The following GATA5 variants were observed in gnomAD, a reference collection of about 807,000 sequenced individuals.
The protein encoded by GATA5 is GATA binding protein 5.
A neutral mutation model predicts 35.0 loss-of-function variants in GATA5; 27 were observed. The observed-to-expected ratio is 0.77, with a 90% CI of 0.57 to 1.06. The LOEUF (loss-of-function observed/expected upper bound fraction) is 1.06, where lower values mean the gene tolerates loss of function less well. Among genes scored for constraint, GATA5 ranks in the 50% least tolerant of loss-of-function variants. The pLI is 0.00. For missense variants in GATA5, 612 were observed against 580.0 expected (o/e 1.06, Z -0.57); for synonymous variants, 306 against 267.8 (o/e 1.14, Z -1.39).
rs753656900 is a variant in GATA5, at chr20:62,473,407, C to T, written c.695G>A (p.Arg232His). The change falls in exon 3 of 7, where the codon CGC (arginine) becomes CAC (histidine). Residue 232 changes from arginine (R) to histidine (H), a missense_variant. Transcript: ENST00000252997. The stretch of plus-strand genomic sequence containing the variant: ...CTCTGCCCAGCCCGAACTCACCAGG[C>T]GCTTCTGAGGCCGAACGAGCGGCCG... Reference protein sequence around the residue: ...VNRPLVRPQKRLSSSRRAGLC... With the variant: ...VNRPLVRPQKHLSSSRRAGLC... The T allele has an allele frequency of 1.1e-5, 17 of 1,603,724 alleles. No individual in the cohort carries two copies. The highest frequency in any genetic ancestry group is 7.8e-5 in the South Asian group (7 of 89,462).
chr20:62,465,597 G>A, intron 5 of GATA5, 133 bp from the exon 6 acceptor site: 1 of 1,267,744 alleles, frequency 7.9e-7, no homozygotes, highest in East Asian at 2.5e-5. Flanking sequence ...CGCAGGCGTG[G>A]GTGGTGTGGC....
rs781990084 is a variant in GATA5 at position 62,475,472 on chromosome 20, G to T, written c.50C>A (p.Ala17Asp). The T allele has an allele frequency of 1.2e-4, 155 of 1,333,022 alleles. No individual in the cohort carries two copies. Among genetic ancestry groups the T allele is most frequent in the Non-Finnish European group, 1.5e-4 (152 of 1,046,004 alleles). 82.6% of individuals were successfully genotyped at this position (1,333,022 alleles called of 1,614,324 possible). The change falls in exon 2 of 7, where the codon GCC becomes GAC. Residue 17 changes from alanine (A) to aspartate (D), a missense_variant. By Grantham distance (126) the Ala-to-Asp change is moderately radical (BLOSUM62 -2). Coordinates refer to ENST00000252997, the MANE Select transcript of GATA5 (RefSeq NM_080473.5). ...LAASPRQAAY[A>D]DSGSFLHAPG... is the part of the protein sequence containing the mutation. ...AGCGTGCAGGAAGGAGCCCGAGTCG[G>T]CGTAGGCGGCCTGGCGGGGGCTCGC...
intron 2 of GATA5, among the ~76,000 whole-genome samples, chr20:62,474,661 A>C (rs190031930): frequency 6.6e-6 from 1 of 152,312 alleles, no homozygotes; most frequent in East Asian, 1.9e-4. Context: ...ACTTAAATAA[A>C]CCGATGTTTT....
In GATA5 at chr20:62,472,423, A is replaced by G. The variant is rs187315248; in HGVS notation, c.699+980T>C. On this transcript the variant is annotated intron_variant, in intron 3 of 6. Coordinates refer to ENST00000252997, the MANE Select transcript of GATA5 (RefSeq NM_080473.5). ...ACCGGCATAGCACGCGAATCCAGGC[A>G]TCTAGAACAGCCACCCGGCAAGGAC... 5.9e-5 allele frequency among the ~76,000 whole-genome samples: 9 copies of G among 152,336 alleles called. 1 individual carries two copies. Among genetic ancestry groups the G allele is most frequent in the Admixed American group, 5.2e-4 (8 of 15,306 alleles).
intron 1 of GATA5, 58 bp downstream of exon 1, chr20:62,475,872 G>C: frequency 5.5e-6 from 1 of 183,418 alleles, no homozygotes; most frequent in Non-Finnish European, 1.1e-5. Context: ...GCCCCGCCGC[G>C]CTGGGAGGGG....
At chr20:62,471,603 A>T (rs2146486457) in intron 3 of GATA5, among the ~76,000 whole-genome samples, 1 of 146,676 alleles carries the variant, frequency 6.8e-6, no homozygotes, top group Admixed American at 6.8e-5. Flanking sequence ...GCTAACTTTT[A>T]AATTTTTTGT....
chr20:62,466,367 G>C (rs111751465), intron 4 of GATA5, 59 bp downstream of exon 4: 5 of 1,506,066 alleles, frequency 3.3e-6, no homozygotes, highest in Non-Finnish European at 2.7e-6. Flanking sequence ...GAGTGCGGAC[G>C]GCGCTCGCTA....
intron 4 of GATA5, 75 bp downstream of exon 4, chr20:62,466,351 G>T: frequency 1.4e-6 from 2 of 1,465,528 alleles, no homozygotes; most frequent in East Asian, 2.5e-5. Flanking sequence ...CAGCCTCTTG[G>T]TCTGAGAGTG....
At chr20:62,468,309 G>A (rs1322879589) in intron 3 of GATA5, among the ~76,000 whole-genome samples, 2 of 152,156 alleles carry the variant, frequency 1.3e-5, no homozygotes, top group African/African-American at 4.8e-5. Context: ...GTTATAGCCT[G>A]CCTCGGTTTC....
chr20:62,465,533 C>A, intron 5 of GATA5, 69 bp from the exon 6 acceptor site: 1 of 1,547,146 alleles, frequency 6.5e-7, no homozygotes, highest in Non-Finnish European at 8.7e-7. Flanking sequence ...TGCCATGTAG[C>A]GGGTCTCCTC....
At chr20:62,472,269 C>T (rs782790189) in intron 3 of GATA5, among the ~76,000 whole-genome samples, 17 of 152,144 alleles carry the variant, frequency 1.1e-4, no homozygotes, top group Non-Finnish European at 2.4e-4. Flanking sequence ...GTGACGGCCG[C>T]CCCCGGCCTG....
chr20:62,465,701 G>T, intron 5 of GATA5, 133 bp downstream of exon 5: 1 of 870,302 alleles, frequency 1.1e-6, no homozygotes, highest in Non-Finnish European at 1.8e-6. Flanking sequence ...GGTCACCACA[G>T]GGCAGAGCTG....
rs993232133 is a variant in GATA5, at chr20:62,470,343, A to T, written c.699+3060T>A. ...GTGCAGCAGCCTCCTCTGAGATGGA[A>T]GACTGGGCCGTGGACAACCAGAGGC... On this transcript the variant is annotated intron_variant, in intron 3 of 6. Transcript: ENST00000252997. This position sits in a 1 kb window ranked among gnomAD's most constrained non-coding sequence, Gnocchi z 4.6. Among the ~76,000 whole-genome samples the T allele has an allele frequency of 6.6e-6, 1 of 152,232 alleles. No individual in the cohort carries two copies. The highest frequency in any genetic ancestry group is 1.5e-5 in the Non-Finnish European group (1 of 68,042).
At position 62,474,898 on chromosome 20, in the gene GATA5, C is replaced by T. The variant is rs116995308; in HGVS notation, c.523+101G>A. 6.7e-4 allele frequency: 718 copies of T among 1,069,790 alleles called. 9 individuals carry two copies. In the East Asian group the frequency reaches 0.014, roughly 21 times the overall value. 66.3% of individuals were successfully genotyped at this position (1,069,790 alleles called of 1,614,324 possible). A position where few individuals can be genotyped will look rare whatever the true frequency, so the allele number is the denominator to read the frequency against. ...TGGTGTCGCTCCTGGCAGGGAGGCT[C>T]GGACCGTGGGGGAGGATGAGGGGAG... On this transcript the variant is annotated intron_variant, in intron 2 of 6. Transcript: ENST00000252997.
Position 62,470,285 on chromosome 20 carries a change from T to G in GATA5, c.699+3118A>C, listed in dbSNP as rs566126324. 2.0e-5 allele frequency among the ~76,000 whole-genome samples: 3 copies of G among 152,180 alleles called. No individual in the cohort carries two copies. The East Asian group carries it at 5.8e-4, about 30-fold the overall frequency. On this transcript the variant is annotated intron_variant, in intron 3 of 6. Coordinates refer to ENST00000252997, the MANE Select transcript of GATA5 (RefSeq NM_080473.5). The surrounding 1 kb of genome is among the most constrained non-coding windows in gnomAD (Gnocchi z 4.6). ...TGAAGCGCACACGCCGGGAAACACT[T>G]TGGAGTAAAGGTGCAGGTCACAGTG...
In GATA5 at chr20:62,464,531, G is replaced by A; in HGVS notation, c.*305C>T. 1 of 272,252 alleles carries A rather than the reference G, an allele frequency of 3.7e-6. No homozygotes were observed. The highest frequency in any genetic ancestry group is 2.2e-5 in the African/African-American group (1 of 45,528). The allele number at this position is 272,252 out of a possible 1,614,324, so 16.9% of individuals were successfully genotyped here. Reference sequence around the variant, plus strand: ...GACGGAATTCAAGTTGGTGGTGGTGGTGCCCTGCGTTGGCCTCCGCCGCAG... The same window carrying A: ...GACGGAATTCAAGTTGGTGGTGGTGATGCCCTGCGTTGGCCTCCGCCGCAG... On this transcript the variant is annotated 3_prime_UTR_variant, in exon 7 of 7. Transcript: ENST00000252997.
At chr20:62,465,611 G>T in intron 5 of GATA5, 147 bp from the exon 6 acceptor site, 3 of 1,184,324 alleles carry the variant, frequency 2.5e-6, no homozygotes. Flanking sequence ...GTGTGGCCGG[G>T]CGTGGCTTCT....
chr20:62,466,168 C>T (rs1555896071), intron 4 of GATA5, among the ~76,000 whole-genome samples: 1 of 152,224 alleles, frequency 6.6e-6, no homozygotes, highest in African/African-American at 2.4e-5. Flanking sequence ...AGGGCAGGAG[C>T]AGTGTCCTTG....
At position 62,471,448 on chromosome 20, in the gene GATA5, T is replaced by TTTTTTTTTTTTTTTTTG. The variant is rs1216745509; in HGVS notation, c.699+1954_699+1955insCAAAAAAAAAAAAAAAA. Among the ~76,000 whole-genome samples, 139 of 142,324 alleles carry TTTTTTTTTTTTTTTTTG rather than the reference T, an allele frequency of 9.8e-4. 3 individuals carry two copies. The highest frequency in any genetic ancestry group is 1.7e-3 in the Non-Finnish European group (107 of 64,826). The allele number at this position is 142,324 out of a possible 152,430, so 93.4% of individuals were successfully genotyped here. On this transcript the variant is annotated intron_variant, in intron 3 of 6. Transcript: ENST00000252997. Reference sequence around the variant, plus strand: ...TCAATTACAATTTTTTTTTTTTTTTTTGTGATGAGGTCTTGCTCTGTTGCC... The same window carrying TTTTTTTTTTTTTTTTTG: ...TCAATTACAATTTTTTTTTTTTTTTTTTTTTTTTTTTTTTTTGTGTGATGAGGTCTTGCTCTGTTGCC...
Sources: allele counts gnomAD v4.1 joint callset (sites outside exome capture counted in the v4.1 genomes callset), GRCh38; gene constraint gnomAD v4.1.1; non-coding constraint Gnocchi (gnomAD v3.1); transcripts MANE v1.5; gene names NCBI Gene and HGNC (gene_info 2026-07-23, HGNC 2026-07-21).